OPHN1: variants seen among roughly 807,000 people sequenced by gnomAD.
The protein encoded by OPHN1 is oligophrenin-1.
Under a neutral mutation model 60.7 loss-of-function variants are expected in OPHN1, and 11 were observed. That is an observed-to-expected ratio of 0.18 (90% CI 0.11 to 0.30). OPHN1 has a LOEUF of 0.30. Ranked by LOEUF, OPHN1 falls within the 10% of genes least tolerant of loss-of-function variation. The pLI is 1.00. For missense variants in OPHN1, 449 were observed against 611.0 expected (o/e 0.73, Z 2.80); for synonymous variants, 226 against 222.6 (o/e 1.02, Z -0.14).
chrX:68,124,768 C>G (rs992453687), intron 15 of OPHN1, among the ~76,000 whole-genome samples: 1 of 110,784 alleles, frequency 9.0e-6, no homozygotes, highest in African/African-American at 3.3e-5. Context: ...ATCTCAGCCC[C>G]CACTAGTAGC....
At chrX:68,429,586 T>C (rs1482610846) in intron 2 of OPHN1, among the ~76,000 whole-genome samples, 8 of 110,631 alleles carry the variant, frequency 7.2e-5, no homozygotes, top group Non-Finnish European at 1.5e-4. Context: ...TAGCCAGGCA[T>C]AGTGGCGTGT....
intron 2 of OPHN1, among the ~76,000 whole-genome samples, chrX:68,410,559 C>CAA (rs764471911): frequency 1.0e-5 from 1 of 97,740 alleles, no homozygotes; most frequent in African/African-American, 3.7e-5. Flanking sequence ...GAGACTCCAC[C>CAA]AAAAAAAAAA....
At chrX:68,070,765 T>C in intron 20 of OPHN1, 3 of 1,145,912 alleles carry the variant, frequency 2.6e-6, no homozygotes, top group Admixed American at 2.2e-5. Context: ...CACAGGACCA[T>C]TCCACACAAT....
At chrX:68,067,236 G>A (rs1224986465) in intron 20 of OPHN1, among the ~76,000 whole-genome samples, 1 of 111,982 alleles carries the variant, frequency 8.9e-6, no homozygotes, top group African/African-American at 3.2e-5. Flanking sequence ...TCCAAAAGGT[G>A]GAGCAAAGTA....
At chrX:68,375,717 A>AT (rs5902625) in intron 2 of OPHN1, among the ~76,000 whole-genome samples, 31,437 of 107,848 alleles carry the variant, frequency 0.29, 6,696 homozygotes, top group African/African-American at 0.75. Context: ...CACCCAACTA[A>AT]TTTTTTTTTA....
chrX:68,122,453 G>A (rs1433819368), intron 15 of OPHN1, among the ~76,000 whole-genome samples: 1 of 111,421 alleles, frequency 9.0e-6, no homozygotes, highest in Non-Finnish European at 1.9e-5. Flanking sequence ...ACATTCACAA[G>A]CATCAGGACC....
intron 3 of OPHN1, among the ~76,000 whole-genome samples, chrX:68,297,550 G>A (rs1264397725): frequency 8.9e-6 from 1 of 112,072 alleles, no homozygotes; most frequent in Admixed American, 9.5e-5. Context: ...TCTAAAAAAT[G>A]TTCATTGAAA....
At position 68,243,088 on chromosome X, in the gene OPHN1, C is replaced by T. The variant is rs1480894757; in HGVS notation, c.385-8500G>A. Among the ~76,000 whole-genome samples, 33 of 110,885 alleles carry T rather than the reference C, an allele frequency of 3.0e-4. 1 individual carries two copies. Among genetic ancestry groups the T allele is most frequent in the Non-Finnish European group, 1.1e-4 (6 of 53,059 alleles). On this transcript the variant is annotated intron_variant, in intron 5 of 24. Transcript: ENST00000355520. ...TTACCATGTTGGCTGAGGTCTCAAA[C>T]TCCTGACCTCACATGATCTGCCCAT...
Position 68,202,846 on chromosome X carries a change from G to C in OPHN1, c.934-1136C>G, listed in dbSNP as rs769306796. ...TATTGTTAACAACCATTATAGAGAA[G>C]TGACACTTAAAGAAGTAAAGCAGCA... On this transcript the variant is annotated intron_variant, in intron 10 of 24. Transcript: ENST00000355520. 4.5e-5 allele frequency among the ~76,000 whole-genome samples: 5 copies of C among 111,465 alleles called. No homozygotes were observed. In the East Asian group the frequency reaches 1.1e-3, roughly 25 times the overall value.
Position 68,409,780 on chromosome X carries a change from C to T in OPHN1, c.154+23087G>A, listed in dbSNP as rs191278971. Among the ~76,000 whole-genome samples the T allele has an allele frequency of 3.0e-4, 34 of 111,938 alleles. No individual in the cohort carries two copies. In the East Asian group the frequency reaches 9.2e-3, roughly 30 times the overall value. On this transcript the variant is annotated intron_variant, in intron 2 of 24. Coordinates refer to ENST00000355520, the MANE Select transcript of OPHN1 (RefSeq NM_002547.3). ...AACTTGGAAATTCCTCTTGAAGTTT[C>T]AAAGAATCACTTCTAGGACAAATCA...
chrX:68,087,038 C>G (rs1265958084), intron 19 of OPHN1, among the ~76,000 whole-genome samples: 1 of 112,126 alleles, frequency 8.9e-6, no homozygotes, highest in Non-Finnish European at 1.9e-5. Context: ...GAAACAGTAT[C>G]AGGCAGAACT....
In OPHN1 at chrX:68,044,332, T is replaced by C. The variant is rs990632815; in HGVS notation, c.*2840A>G. ...CAAATCACAGTCCTTTTATTTACTT[T>C]CTATGTGCCCTTGAGTTGTTTACTT... On this transcript the variant is annotated 3_prime_UTR_variant, in exon 25 of 25. Coordinates refer to ENST00000355520, the MANE Select transcript of OPHN1 (RefSeq NM_002547.3). 2 of 112,809 alleles carry C rather than the reference T, an allele frequency of 1.8e-5. No individual in the cohort carries two copies. Among genetic ancestry groups the C allele is most frequent in the African/African-American group, 3.2e-5 (1 of 31,103 alleles). 9.3% of individuals were successfully genotyped at this position (112,809 alleles called of 1,213,427 possible).
In OPHN1 at chrX:68,202,585, C is replaced by T. The variant is rs190662230; in HGVS notation, c.934-875G>A. 1.0e-4 allele frequency among the ~76,000 whole-genome samples: 11 copies of T among 110,382 alleles called. No individual in the cohort carries two copies. In the East Asian group the frequency reaches 1.2e-3, roughly 12 times the overall value. ...TGCGATATCAGCTCACTGCAACCTCCGCCTCCCGGGTTCAAGCGATTCTCC... is the reference window on the plus strand; with the variant it reads ...TGCGATATCAGCTCACTGCAACCTCTGCCTCCCGGGTTCAAGCGATTCTCC... On this transcript the variant is annotated intron_variant, in intron 10 of 24. Transcript: ENST00000355520.
At chrX:68,370,656 T>A (rs1230523631) in intron 2 of OPHN1, among the ~76,000 whole-genome samples, 1 of 112,303 alleles carries the variant, frequency 8.9e-6, no homozygotes, top group African/African-American at 3.2e-5. Context: ...TCCTACTTTG[T>A]TTTTAAGTGC....
chrX:68,397,441 T>C (rs974665182), intron 2 of OPHN1, among the ~76,000 whole-genome samples: 1 of 105,704 alleles, frequency 9.5e-6, no homozygotes, highest in African/African-American at 3.4e-5. Context: ...ACAGCCTGTT[T>C]CTGTTTGTCT....
intron 2 of OPHN1, among the ~76,000 whole-genome samples, chrX:68,308,378 C>T (rs1319693267): frequency 9.0e-6 from 1 of 110,989 alleles, no homozygotes; most frequent in Non-Finnish European, 1.9e-5. Flanking sequence ...ATCACTTGAG[C>T]TCAGGAGTTC....
chrX:68,064,287 C>T lies in OPHN1; in HGVS notation c.1835-110G>A, dbSNP rs1005142172. On this transcript the variant is annotated intron_variant, in intron 20 of 24. Coordinates refer to ENST00000355520, the MANE Select transcript of OPHN1 (RefSeq NM_002547.3). ...TGAAAATTTGTATACATTTTCAAAG[C>T]AGTTATGTCACTGTGGCACAAACCA... The T allele has an allele frequency of 2.5e-5, 18 of 734,319 alleles. No homozygotes were observed. In the African/African-American group the frequency reaches 3.1e-4, roughly 13 times the overall value. 60.5% of individuals were successfully genotyped at this position (734,319 alleles called of 1,213,427 possible).
At position 68,390,285 on chromosome X, in the gene OPHN1, T is replaced by A. The variant is rs573635104; in HGVS notation, c.154+42582A>T. Among the ~76,000 whole-genome samples, 14 of 111,574 alleles carry A rather than the reference T, an allele frequency of 1.3e-4. No individual in the cohort carries two copies. The South Asian group carries it at 5.3e-3, about 42-fold the overall frequency. ...TATTAATATTATTATCAGCTATATA[T>A]GGCAGGAGCTACTTAAAAAGGAAAA... On this transcript the variant is annotated intron_variant, in intron 2 of 24. Transcript: ENST00000355520.
At chrX:68,262,766 A>G (rs2077900046) in intron 5 of OPHN1, among the ~76,000 whole-genome samples, 1 of 111,475 alleles carries the variant, frequency 9.0e-6, no homozygotes, top group African/African-American at 3.3e-5. Context: ...CAGCCTGGGC[A>G]ACAAGAGCGA....
Sources: gnomAD v4.1 joint callset for allele counts (sites outside exome capture counted in the v4.1 genomes callset) on GRCh38, gnomAD v4.1.1 for gene constraint, MANE v1.5 for transcripts, NCBI Gene and HGNC (gene_info 2026-07-23, HGNC 2026-07-21) for gene names.